Variants in ARHGAP32 observed in about 807,000 individuals in gnomAD.
ARHGAP32 encodes the protein Rho GTPase activating protein 32.
Under a neutral mutation model 186.5 loss-of-function variants are expected in ARHGAP32, and 51 were observed. The observed-to-expected ratio is 0.27, with a 90% CI of 0.22 to 0.35. ARHGAP32 has a LOEUF of 0.35. Among genes scored for constraint, ARHGAP32 ranks in the 10% least tolerant of loss-of-function variants. The pLI, the probability that ARHGAP32 is intolerant of heterozygous loss-of-function variation, is 1.00. For synonymous variants in ARHGAP32, 950 were observed against 964.3 expected, an observed-to-expected ratio of 0.99 and a Z score of 0.27; for missense variants, 2,186 against 2,623.5, an observed-to-expected ratio of 0.83 and a Z score of 3.64.
intron 1 of ARHGAP32, among the ~76,000 whole-genome samples, chr11:129,183,016 T>G (rs749832021): frequency 2.0e-5 from 3 of 152,280 alleles, no homozygotes; most frequent in Non-Finnish European, 2.9e-5. Flanking sequence ...ATCCTTGGTA[T>G]GAGGTAGGAT....
intron 1 of ARHGAP32, among the ~76,000 whole-genome samples, chr11:129,240,204 T>A (rs1348520067): frequency 6.6e-6 from 1 of 152,054 alleles, no homozygotes; most frequent in Non-Finnish European, 1.5e-5. Context: ...ACTAGACATA[T>A]AAATTTCTTG....
intron 11 of ARHGAP32, among the ~76,000 whole-genome samples, chr11:129,030,743 T>C (rs1361513784): frequency 6.6e-6 from 1 of 152,236 alleles, no homozygotes; most frequent in Non-Finnish European, 1.5e-5. Context: ...TGTACTGTGA[T>C]ATAGTTTAGA....
At chr11:129,212,776 C>A (rs1192484526) in intron 1 of ARHGAP32, among the ~76,000 whole-genome samples, 1 of 152,084 alleles carries the variant, frequency 6.6e-6, no homozygotes, top group Non-Finnish European at 1.5e-5. Flanking sequence ...CCAATTTGAT[C>A]ATTAAACATT....
intron 2 of ARHGAP32, among the ~76,000 whole-genome samples, chr11:129,141,600 AC>A (rs1943054254): frequency 2.0e-5 from 3 of 151,120 alleles, no homozygotes. Context: ...GTGCACATGT[AC>A]CCTAGAACTT....
intron 1 of ARHGAP32, among the ~76,000 whole-genome samples, chr11:129,230,094 C>T (rs1003815356): frequency 2.6e-5 from 4 of 152,056 alleles, no homozygotes; most frequent in African/African-American, 4.8e-5. Context: ...ATTACAAGCA[C>T]GAACCATTGT....
chr11:129,074,220 T>A (rs1402755727), intron 6 of ARHGAP32, among the ~76,000 whole-genome samples: 1 of 152,192 alleles, frequency 6.6e-6, no homozygotes, highest in Non-Finnish European at 1.5e-5. Flanking sequence ...ATACAACAGA[T>A]AACAGTTTGT....
intron 1 of ARHGAP32, among the ~76,000 whole-genome samples, chr11:129,265,651 C>T (rs1439516568): frequency 1.3e-5 from 2 of 152,132 alleles, no homozygotes; most frequent in Non-Finnish European, 2.9e-5. Flanking sequence ...ACTAGAGTTA[C>T]TGGGAGGTTT....
intron 2 of ARHGAP32, among the ~76,000 whole-genome samples, chr11:129,145,435 A>G (rs1943148522): frequency 6.6e-6 from 1 of 151,140 alleles, no homozygotes; most frequent in Non-Finnish European, 1.5e-5. Context: ...TAATAAAGGA[A>G]GAAATAGCAA....
intron 11 of ARHGAP32, among the ~76,000 whole-genome samples, chr11:129,031,925 G>C (rs1361254425): frequency 6.6e-6 from 1 of 152,128 alleles, no homozygotes; most frequent in East Asian, 1.9e-4. Flanking sequence ...GGGAGGGCTC[G>C]ACGGCAGGAC....
rs1440972530 is a variant in ARHGAP32, at chr11:129,176,432, C to T, written c.117-12005G>A. ...GAATTGAACTCAGCTCTGCACCAAG[C>T]GGACCTAATAGACATCTACAGAACT... On this transcript the variant is annotated intron_variant, in intron 1 of 22. Transcript: ENST00000682385. Among the ~76,000 whole-genome samples the T allele has an allele frequency of 8.8e-5, 7 of 79,110 alleles. 1 individual carries two copies. Among genetic ancestry groups the T allele is most frequent in the African/African-American group, 2.6e-4 (6 of 23,096 alleles). The allele number at this position is 79,110 out of a possible 152,430, so 51.9% of individuals were successfully genotyped here. A position where few individuals can be genotyped will look rare whatever the true frequency, so the allele number is the denominator to read the frequency against.
rs1283721898 is a variant in ARHGAP32 at position 129,164,337 on chromosome 11, T to C, written c.207A>G (p.Glu69=). ...GATTTACCATTGCGCTAAGAGTTTC[T>C]TCCCAATCAGGCCGCTCTCGAGGGT... ...NVHPRERPDW[E]ETLSAMARGA... The change falls in exon 2 of 23, where the codon GAA becomes GAG. Residue 69 remains glutamate (E), a synonymous_variant. Transcript: ENST00000682385. 2.2e-5 allele frequency: 35 copies of C among 1,570,612 alleles called. No homozygotes were observed. The highest frequency in any genetic ancestry group is 2.9e-5 in the Non-Finnish European group (34 of 1,154,776).
intron 1 of ARHGAP32, among the ~76,000 whole-genome samples, chr11:129,267,355 C>T (rs1305965683): frequency 6.6e-6 from 1 of 152,068 alleles, no homozygotes; most frequent in Admixed American, 6.6e-5. Flanking sequence ...GGCAACAAAG[C>T]AAGACTCTGT....
intron 6 of ARHGAP32, among the ~76,000 whole-genome samples, chr11:129,086,820 C>CAAAA (rs150471534): frequency 1.3e-5 from 1 of 78,036 alleles, no homozygotes; most frequent in African/African-American, 5.0e-5. Context: ...GACTCCATCT[C>CAAAA]AAAAAAAAAA....
chr11:129,139,823 CTAATA>C (rs1178062963), intron 2 of ARHGAP32, among the ~76,000 whole-genome samples: 3 of 152,140 alleles, frequency 2.0e-5, no homozygotes, highest in Non-Finnish European at 4.4e-5. Flanking sequence ...TGAAAACAAA[CTAATA>C]TATCAATGTT....
At position 128,967,551 on chromosome 11, in the gene ARHGAP32, G is replaced by C. The variant is rs976602729; in HGVS notation, c.*1356C>G. ...ACATAGAATGGAGTTGGGCTAGAGA[G>C]TTCCTACTCTAATAAGGAATGCAAC... is the stretch of plus-strand genomic sequence containing the variant. On this transcript the variant is annotated 3_prime_UTR_variant, in exon 23 of 23. Transcript: ENST00000682385. 6.6e-6 allele frequency: 1 copy of C among 152,222 alleles called. No individual in the cohort carries two copies. The highest frequency in any genetic ancestry group is 1.5e-5 in the Non-Finnish European group (1 of 68,044). 9.4% of individuals were successfully genotyped at this position (152,222 alleles called of 1,614,324 possible). A position where few individuals can be genotyped will look rare whatever the true frequency, so the allele number is the denominator to read the frequency against.
intron 2 of ARHGAP32, among the ~76,000 whole-genome samples, chr11:129,143,800 ATATCAT>A (rs1943113204): frequency 6.6e-6 from 1 of 152,222 alleles, no homozygotes; most frequent in African/African-American, 2.4e-5. Flanking sequence ...TGTGAACAGT[ATATCAT>A]TATAACTGTT....
intron 1 of ARHGAP32, among the ~76,000 whole-genome samples, chr11:129,262,265 G>GC (rs1054274598): frequency 9.9e-5 from 15 of 152,032 alleles, no homozygotes; most frequent in Admixed American, 7.9e-4. Context: ...CATAAAGGAA[G>GC]CCCCTAATTT....
At chr11:129,104,047 G>A (rs2135311418) in intron 5 of ARHGAP32, among the ~76,000 whole-genome samples, 1 of 152,096 alleles carries the variant, frequency 6.6e-6, no homozygotes, top group Admixed American at 6.5e-5. Flanking sequence ...TTTAAGTTCT[G>A]AGAAAAGAGA....
intron 5 of ARHGAP32, among the ~76,000 whole-genome samples, chr11:129,109,534 C>T (rs1186219693): frequency 6.6e-6 from 1 of 151,996 alleles, no homozygotes; most frequent in African/African-American, 2.4e-5. Context: ...CATTTATATT[C>T]CTGACAACAG....
Sources: allele counts gnomAD v4.1 joint callset (sites outside exome capture counted in the v4.1 genomes callset), GRCh38; gene constraint gnomAD v4.1.1; transcripts MANE v1.5; gene names NCBI Gene and HGNC (gene_info 2026-07-23, HGNC 2026-07-21).